KRT12: variants seen among roughly 807,000 people sequenced by gnomAD.
KRT12 encodes the protein keratin, type I cytoskeletal 12.
In KRT12, 43 loss-of-function variants were observed where a neutral mutation model predicts 50.2. The observed-to-expected ratio is 0.86, with a 90% CI of 0.67 to 1.11. KRT12 has a LOEUF of 1.11. Among genes scored for constraint, KRT12 ranks in the 50% least tolerant of loss-of-function variants. The pLI is 0.00. For missense variants in KRT12, 588 were observed against 625.6 expected (o/e 0.94, Z 0.64); for synonymous variants, 257 against 253.6 (o/e 1.01, Z -0.13).
chr17:40,866,908 G>A lies in KRT12; in HGVS notation c.279C>T (p.Ser93=). The change falls in exon 1 of 8, where the codon AGC becomes AGT. Residue 93 remains serine, a synonymous_variant. Coordinates refer to ENST00000251643, the MANE Select transcript of KRT12 (RefSeq NM_000223.4). ...AGYGRALGGG[S]FGGLGMGFGG... is the part of the protein sequence containing the mutation. ...CAAATCCCATCCCCAGCCCTCCAAA[G>A]CTACCTCCACCCAGGGCTCTCCCAT... The A allele has an allele frequency of 6.2e-7, 1 of 1,613,752 alleles. No individual in the cohort carries two copies. Among genetic ancestry groups the A allele is most frequent in the Non-Finnish European group, 8.5e-7 (1 of 1,179,906 alleles).
chr17:40,866,436 TA>T (rs1907025384), intron 1 of KRT12, among the ~76,000 whole-genome samples, 183 bp downstream of exon 1: 1 of 152,176 alleles, frequency 6.6e-6, no homozygotes, highest in African/African-American at 2.4e-5. Context: ...TACAGAAAGA[TA>T]ATGGAAATAC....
Position 40,866,639 on chromosome 17 carries a change from A to G in KRT12, c.548T>C (p.Ile183Thr), listed in dbSNP as rs1224753168. The G allele has an allele frequency of 4.3e-6, 7 of 1,614,108 alleles. No homozygotes were observed. The highest frequency in any genetic ancestry group is 2.2e-5 in the East Asian group (1 of 44,880). The change falls in exon 1 of 8, where the codon ATT (isoleucine) becomes ACT (threonine). Residue 183 changes from isoleucine (I) to threonine (T), a missense_variant. Physicochemically the swap from Ile to Thr is moderately conservative, Grantham distance 89. Coordinates refer to ENST00000251643, the MANE Select transcript of KRT12 (RefSeq NM_000223.4). ...TCTTACCTTATTCCTGAGGTCTTCAATCAGTGGATAATATTTGCTGTAATC... is the reference window on the plus strand; with the variant it reads ...TCTTACCTTATTCCTGAGGTCTTCAGTCAGTGGATAATATTTGCTGTAATC... The part of the protein sequence containing the change: ...QSDYSKYYPL[I>T]EDLRNKIISA...
chr17:40,864,898 G>C lies in KRT12; in HGVS notation c.715C>G (p.Leu239Val), dbSNP rs199790779. The change falls in exon 3 of 8, where the codon CTG (leucine) becomes GTG (valine). Residue 239 changes from leucine (L) to valine (V), a missense_variant. Physicochemically the swap from Leu to Val is conservative, Grantham distance 32. Transcript: ENST00000251643. ...GTCCTGGTCAGGGTCAGCTCGTCCA[G>C]CACCCGGCGCAGGCCATTGATGTCG... ...EADINGLRRV[L>V]DELTLTRTDL... 13 of 1,614,120 alleles carry C rather than the reference G, an allele frequency of 8.1e-6. No homozygotes were observed. The East Asian group carries it at 2.9e-4, about 36-fold the overall frequency.
chr17:40,867,028 A>T lies in KRT12; in HGVS notation c.159T>A (p.Cys53Ter). ...GGSAFGFGAS[C>*]GGGFSAASMF... ...TGGAAGCAGCAGAAAAGCCTCCCCC[A>T]CAGCTGGCTCCAAAGCCAAAGGCAC... Residue 53 changes from cysteine to a stop codon, truncating the protein, a stop_gained, in exon 1 of 8, where the codon TGT (cysteine) becomes TGA (stop). Transcript: ENST00000251643. LOFTEE classifies it high-confidence loss of function. 1 of 1,601,798 alleles carries T rather than the reference A, an allele frequency of 6.2e-7. No homozygotes were observed. Among genetic ancestry groups the T allele is most frequent in the Non-Finnish European group, 8.5e-7 (1 of 1,173,690 alleles).
At chr17:40,861,842 A>G in intron 7 of KRT12, 84 bp from the exon 8 acceptor site, 1 of 886,406 alleles carries the variant, frequency 1.1e-6, no homozygotes, top group Non-Finnish European at 1.9e-6. Context: ...AGGCTTCTAA[A>G]TTAAGCATTG....
At chr17:40,865,004 C>A (rs1289224076) in intron 2 of KRT12, 42 bp from the exon 3 acceptor site, 4 of 1,608,146 alleles carry the variant, frequency 2.5e-6, no homozygotes, top group African/African-American at 1.3e-5. Context: ...TCAACACAAC[C>A]ATTTGAACAA....
At position 40,864,972 on chromosome 17, in the gene KRT12, A is replaced by G; in HGVS notation, c.651-10T>C. The G allele has an allele frequency of 6.2e-7, 1 of 1,614,238 alleles. No homozygotes were observed. On this transcript the variant is annotated splice_polypyrimidine_tract_variant and intron_variant, in intron 2 of 7. Coordinates refer to ENST00000251643, the MANE Select transcript of KRT12 (RefSeq NM_000223.4). ...CAGTTCATTCTCATACCTGAAAACC[A>G]AGTGCAAAGCAGTTGAGGGAATCAA...
Position 40,864,940 on chromosome 17 carries a change from G to A in KRT12, c.673C>T (p.Arg225Cys), listed in dbSNP as rs368116028. 45 of 1,614,114 alleles carry A rather than the reference G, an allele frequency of 2.8e-5. No individual in the cohort carries two copies. Among genetic ancestry groups the A allele is most frequent in the East Asian group, 4.5e-5 (2 of 44,904 alleles). ...TTGATGTCGGCCTCTACGCCCTGGC[G>A]CAGGGCCAGTTCATTCTCATACCTG... ...RMKYENELAL[R>C]QGVEADINGL... The change falls in exon 3 of 8, where the codon CGC becomes TGC. Residue 225 changes from arginine to cysteine, a missense_variant. By Grantham distance (180) the Arg-to-Cys change is radical. Transcript: ENST00000251643.
chr17:40,864,902 C>G lies in KRT12; in HGVS notation c.711G>C (p.Arg237=). The change falls in exon 3 of 8, where the codon CGG becomes CGC. Residue 237 remains arginine (R), a synonymous_variant. Transcript: ENST00000251643. ...TGGTCAGGGTCAGCTCGTCCAGCAC[C>G]CGGCGCAGGCCATTGATGTCGGCCT... is the stretch of plus-strand genomic sequence containing the variant. ...GVEADINGLR[R]VLDELTLTRT... The G allele has an allele frequency of 6.2e-7, 1 of 1,614,266 alleles. No homozygotes were observed.
In KRT12 at chr17:40,863,391, A is replaced by T; in HGVS notation, c.1096-48T>A. 1 of 1,613,520 alleles carries T rather than the reference A, an allele frequency of 6.2e-7. No homozygotes were observed. Among genetic ancestry groups the T allele is most frequent in the Non-Finnish European group, 8.5e-7 (1 of 1,179,494 alleles). On this transcript the variant is annotated intron_variant, in intron 5 of 7. Coordinates refer to ENST00000251643, the MANE Select transcript of KRT12 (RefSeq NM_000223.4). The surrounding 1 kb of genome is among the most constrained non-coding windows in gnomAD (Gnocchi z 4.2). Reference sequence around the variant, plus strand: ...ATAGAAATAACGATGGAGGGGACCGAAAAGAGGAGGGTAGCCAACGGCTAA... The same window carrying T: ...ATAGAAATAACGATGGAGGGGACCGTAAAGAGGAGGGTAGCCAACGGCTAA...
chr17:40,863,477 G>T lies in KRT12; in HGVS notation c.1095+8C>A. 22 of 1,614,188 alleles carry T rather than the reference G, an allele frequency of 1.4e-5. No homozygotes were observed. The highest frequency in any genetic ancestry group is 1.8e-5 in the Non-Finnish European group (21 of 1,180,038). On this transcript the variant is annotated splice_region_variant and intron_variant, in intron 5 of 7. Transcript: ENST00000251643. The surrounding 1 kb of genome is among the most constrained non-coding windows in gnomAD (Gnocchi z 4.2). ...AAGGATGCTACGTCTGTTTGCGCAC[G>T]AGCCTACCATGGCGAGCTGGGACTG...
rs541149226 is a variant in KRT12, at chr17:40,861,528, G to A, written c.*133C>T. On this transcript the variant is annotated 3_prime_UTR_variant, in exon 8 of 8. Transcript: ENST00000251643. ...GGGCAAAAAGGATTCAATGTGAATA[G>A]GGAATCCAAAGAAAATGGAACAGAC... 23 of 696,728 alleles carry A rather than the reference G, an allele frequency of 3.3e-5. No individual in the cohort carries two copies. In the African/African-American group the frequency reaches 3.5e-4, roughly 11 times the overall value. 43.2% of individuals were successfully genotyped at this position (696,728 alleles called of 1,614,324 possible).
rs1313007144 is a variant in KRT12 at position 40,861,520 on chromosome 17, T to C, written c.*141A>G. 5.9e-6 allele frequency: 4 copies of C among 677,198 alleles called. No individual in the cohort carries two copies. Among genetic ancestry groups the C allele is most frequent in the Non-Finnish European group, 1.1e-5 (4 of 370,692 alleles). 41.9% of individuals were successfully genotyped at this position (677,198 alleles called of 1,614,324 possible). On this transcript the variant is annotated 3_prime_UTR_variant, in exon 8 of 8. Coordinates refer to ENST00000251643, the MANE Select transcript of KRT12 (RefSeq NM_000223.4). ...TTTCAGAAGGGCAAAAAGGATTCAA[T>C]GTGAATAGGGAATCCAAAGAAAATG...
At position 40,863,931 on chromosome 17, in the gene KRT12, T is replaced by G; in HGVS notation, c.808-67A>C. On this transcript the variant is annotated intron_variant, in intron 3 of 7. Transcript: ENST00000251643. This position sits in a 1 kb window ranked among gnomAD's most constrained non-coding sequence, Gnocchi z 4.2. ...GTGACTTTCGTGGGCCCTGGATACT[T>G]TTGTCCTCTTGGGCCCCTTCCTACA... 1 of 1,168,812 alleles carries G rather than the reference T, an allele frequency of 8.6e-7. No individual in the cohort carries two copies. The highest frequency in any genetic ancestry group is 1.2e-6 in the Non-Finnish European group (1 of 862,906). 72.4% of individuals were successfully genotyped at this position (1,168,812 alleles called of 1,614,324 possible). A position where few individuals can be genotyped will look rare whatever the true frequency, so the allele number is the denominator to read the frequency against.
At chr17:40,865,377 T>C (rs12943106) in intron 2 of KRT12, among the ~76,000 whole-genome samples, 1 of 152,248 alleles carries the variant, frequency 6.6e-6, no homozygotes, top group African/African-American at 2.4e-5. Flanking sequence ...ACTTCTTTAG[T>C]GGCTTTGACT....
At position 40,866,985 on chromosome 17, in the gene KRT12, C is replaced by T. The variant is rs1322024236; in HGVS notation, c.202G>A (p.Gly68Ser). The change falls in exon 1 of 8, where the codon GGC becomes AGC. Residue 68 changes from glycine (G) to serine (S), a missense_variant. Physicochemically the swap from Gly to Ser is moderately conservative, Grantham distance 56. Transcript: ENST00000251643. ...GAACTTCCGGAGCCACCCCCAAAGCCGGAACTAGAACCAAACATGGAAGCA... is the reference window on the plus strand; with the variant it reads ...GAACTTCCGGAGCCACCCCCAAAGCTGGAACTAGAACCAAACATGGAAGCA... Reference protein sequence around the residue: ...SAASMFGSSSGFGGGSGSSMA... With the variant: ...SAASMFGSSSSFGGGSGSSMA... 6.9e-6 allele frequency: 11 copies of T among 1,597,358 alleles called. No homozygotes were observed. Among genetic ancestry groups the T allele is most frequent in the African/African-American group, 5.4e-5 (4 of 74,078 alleles).
At chr17:40,862,950 T>C in intron 6 of KRT12, 173 bp downstream of exon 6, 1 of 667,556 alleles carries the variant, frequency 1.5e-6, no homozygotes, top group East Asian at 2.7e-5. Flanking sequence ...AGTAAGATAA[T>C]GGGTGAAAAC....
intron 7 of KRT12, 92 bp from the exon 8 acceptor site, chr17:40,861,850 T>C: frequency 1.2e-6 from 1 of 840,864 alleles, no homozygotes; most frequent in Non-Finnish European, 2.1e-6. Flanking sequence ...AAATTAAGCA[T>C]TGGTTGATAC....
chr17:40,866,605 C>G lies in KRT12; in HGVS notation c.567+15G>C. On this transcript the variant is annotated intron_variant, in intron 1 of 7. Transcript: ENST00000251643. The stretch of plus-strand genomic sequence containing the variant: ...AAAAAAAAAATTCCCAAAGCGCCTC[C>G]AAAAGAGATCTTACCTTATTCCTGA... 1 of 1,610,852 alleles carries G rather than the reference C, an allele frequency of 6.2e-7. No homozygotes were observed. Among genetic ancestry groups the G allele is most frequent in the African/African-American group, 1.3e-5 (1 of 74,914 alleles).
Sources: gnomAD v4.1 joint callset for allele counts (sites outside exome capture counted in the v4.1 genomes callset) on GRCh38, gnomAD v4.1.1 for gene constraint, Gnocchi (gnomAD v3.1) non-coding constraint, MANE v1.5 for transcripts, NCBI Gene and HGNC (gene_info 2026-07-23, HGNC 2026-07-21) for gene names.